APP: variants seen among roughly 807,000 people sequenced by gnomAD.
APP encodes amyloid-beta precursor protein.
Under a neutral mutation model 101.4 loss-of-function variants are expected in APP, and 31 were observed. That is an observed-to-expected ratio of 0.31 (90% CI 0.23 to 0.41). The LOEUF (loss-of-function observed/expected upper bound fraction) is 0.41. Among genes scored for constraint, APP ranks in the 10% least tolerant of loss-of-function variants. The pLI is 1.00. For missense variants in APP, 839 were observed against 1,003.7 expected (o/e 0.84, Z 2.22); for synonymous variants, 366 against 364.4 (o/e 1.00, Z -0.05).
intron 1 of APP, among the ~76,000 whole-genome samples, chr21:26,147,877 A>C (rs1463620507): frequency 6.6e-6 from 1 of 151,884 alleles, no homozygotes; most frequent in Non-Finnish European, 1.5e-5. Flanking sequence ...CCCCAAAAAA[A>C]CCTCCCAAAA....
chr21:26,123,414 T>C (rs890067128), intron 1 of APP, among the ~76,000 whole-genome samples: 2 of 152,234 alleles, frequency 1.3e-5, no homozygotes, highest in African/African-American at 4.8e-5. Flanking sequence ...TCTGTTAACT[T>C]ATTTAGTTTA....
intron 2 of APP, among the ~76,000 whole-genome samples, chr21:26,111,087 TAAA>T (rs576900084): frequency 2.3e-5 from 2 of 88,462 alleles, no homozygotes; most frequent in Non-Finnish European, 2.2e-5. Context: ...AAAGTTAAGT[TAAA>T]AAAAAAAAAA....
intron 11 of APP, among the ~76,000 whole-genome samples, chr21:25,960,102 C>T (rs1377730531): frequency 1.7e-5 from 1 of 58,288 alleles, no homozygotes; most frequent in East Asian, 5.0e-4. Flanking sequence ...TAGTGCCAGA[C>T]CAACTCAAAA....
At chr21:25,944,703 A>AT (rs887438954) in intron 13 of APP, among the ~76,000 whole-genome samples, 3 of 152,142 alleles carry the variant, frequency 2.0e-5, no homozygotes, top group Admixed American at 1.3e-4. Context: ...AACATCACTG[A>AT]TTTTTTTCCC....
At chr21:25,969,289 A>G (rs2041916053) in intron 11 of APP, among the ~76,000 whole-genome samples, 1 of 142,032 alleles carries the variant, frequency 7.0e-6, no homozygotes, top group South Asian at 2.3e-4. Flanking sequence ...CGGAGCTTGC[A>G]GTGAGCCAAG....
At chr21:26,161,591 C>T (rs1016114860) in intron 1 of APP, among the ~76,000 whole-genome samples, 2 of 152,062 alleles carry the variant, frequency 1.3e-5, no homozygotes, top group African/African-American at 2.4e-5. Flanking sequence ...AGAAATTTGG[C>T]TTTAATTTTA....
intron 15 of APP, among the ~76,000 whole-genome samples, chr21:25,901,323 A>AAAAAAAAAAAAAAC: frequency 1.6e-5 from 1 of 64,166 alleles, no homozygotes; most frequent in Non-Finnish European, 4.3e-5. Context: ...AAAAAACAAA[A>AAAAAAAAAAAAAAC]CCAAGAGCTC....
intron 8 of APP, among the ~76,000 whole-genome samples, chr21:25,983,452 T>C (rs1429032732): frequency 6.6e-6 from 1 of 152,216 alleles, no homozygotes; most frequent in Non-Finnish European, 1.5e-5. Flanking sequence ...GTATTACATT[T>C]GGGATATAAT....
rs765301301 is a variant in APP, at chr21:25,911,860, A to G, written c.1790T>C (p.Leu597Ser). 1.9e-6 allele frequency: 3 copies of G among 1,614,196 alleles called. No individual in the cohort carries two copies. Among genetic ancestry groups the G allele is most frequent in the Non-Finnish European group, 2.5e-6 (3 of 1,180,034 alleles). Residue 597 changes from leucine to serine, a missense_variant, in exon 14 of 18, where the codon TTG (leucine) becomes TCG (serine). Physicochemically the swap from Leu to Ser is moderately radical, Grantham distance 145. Transcript: ENST00000346798. ...CTCCACGGTGGTTTTCGTTTCGGTCAAAGATGGCATGAGAGCATCGTTTCC... is the reference window on the plus strand; with the variant it reads ...CTCCACGGTGGTTTTCGTTTCGGTCGAAGATGGCATGAGAGCATCGTTTCC... ...SYGNDALMPSLTETKTTVELL... is the reference protein window; with the variant it reads ...SYGNDALMPSSTETKTTVELL...
chr21:26,061,616 G>C (rs2046267439), intron 3 of APP, among the ~76,000 whole-genome samples: 1 of 152,126 alleles, frequency 6.6e-6, no homozygotes, highest in Non-Finnish European at 1.5e-5. Flanking sequence ...TCAGAGTGTG[G>C]GCAGTTACTG....
chr21:25,932,374 C>T (rs2040184813), intron 13 of APP, among the ~76,000 whole-genome samples: 1 of 152,022 alleles, frequency 6.6e-6, no homozygotes. Context: ...ACCTAGAGAA[C>T]CACAAATCTT....
intron 1 of APP, among the ~76,000 whole-genome samples, chr21:26,114,745 CTT>C (rs1269350764): frequency 2.0e-5 from 3 of 152,080 alleles, no homozygotes; most frequent in African/African-American, 4.8e-5. Flanking sequence ...CTATTTTTCA[CTT>C]TGTCATCCTC....
intron 11 of APP, among the ~76,000 whole-genome samples, chr21:25,958,354 G>A (rs1211292897): frequency 6.6e-6 from 1 of 152,130 alleles, no homozygotes; most frequent in Non-Finnish European, 1.5e-5. Flanking sequence ...TTGGCTCACT[G>A]CAACCTCCGC....
chr21:26,082,856 G>A lies in APP; in HGVS notation c.355+7087C>T, dbSNP rs2061624505. On this transcript the variant is annotated intron_variant, in intron 3 of 17. Coordinates refer to ENST00000346798, the MANE Select transcript of APP (RefSeq NM_000484.4). ...TCAATAAAACGTACACAATGAATACGTAACTGACCTTTTATTGGTCAATTT... is the reference window on the plus strand; with the variant it reads ...TCAATAAAACGTACACAATGAATACATAACTGACCTTTTATTGGTCAATTT... Among the ~76,000 whole-genome samples, 3 of 147,168 alleles carry A rather than the reference G, an allele frequency of 2.0e-5. No individual in the cohort carries two copies. In the South Asian group the frequency reaches 6.4e-4, roughly 32 times the overall value.
At chr21:25,954,958 G>T (rs113829983) in intron 12 of APP, among the ~76,000 whole-genome samples, 3 of 22 alleles carry the variant, frequency 0.14, no homozygotes, top group East Asian at 0.5. Flanking sequence ...TTTAAGACTT[G>T]ATCTTGAAAC....
chr21:25,980,098 A>AT (rs2042372600), intron 9 of APP, among the ~76,000 whole-genome samples: 1 of 152,242 alleles, frequency 6.6e-6, no homozygotes, highest in Non-Finnish European at 1.5e-5. Flanking sequence ...AGGGAAGCCC[A>AT]AGATGAGATG....
At chr21:26,155,089 A>G (rs1185787599) in intron 1 of APP, among the ~76,000 whole-genome samples, 1 of 152,212 alleles carries the variant, frequency 6.6e-6, no homozygotes, top group East Asian at 1.9e-4. Flanking sequence ...CATCCCTACC[A>G]AAAATAAAAA....
intron 11 of APP, among the ~76,000 whole-genome samples, chr21:25,959,984 C>G (rs1244211864): frequency 2.0e-5 from 3 of 152,152 alleles, no homozygotes; most frequent in Non-Finnish European, 1.5e-5. Flanking sequence ...CCGGACTGAA[C>G]TGAGGGTTGG....
At chr21:26,001,922 C>A (rs4817080) in intron 6 of APP, among the ~76,000 whole-genome samples, 152,246 of 152,248 alleles carry the variant, frequency 1, 76,122 homozygotes, top group Middle Eastern at 1. Context: ...GGTCCCTAGA[C>A]CCAATTCACT....
Sources: allele counts gnomAD v4.1 joint callset (sites outside exome capture counted in the v4.1 genomes callset), GRCh38; gene constraint gnomAD v4.1.1; transcripts MANE v1.5; gene names NCBI Gene and HGNC (gene_info 2026-07-23, HGNC 2026-07-21).